SLC25A26: variants seen among roughly 807,000 people sequenced by gnomAD.
SLC25A26 encodes mitochondrial S-adenosylmethionine carrier protein.
In SLC25A26, 36 loss-of-function variants were observed where a neutral mutation model predicts 37.8. The ratio of observed to expected loss-of-function variants is 0.95; its 90% CI spans 0.73 to 1.26. SLC25A26 has a LOEUF of 1.26. SLC25A26 is among the 50% of genes most tolerant of loss of function. The pLI, the probability that SLC25A26 is intolerant of heterozygous loss-of-function variation, is 0.00. For synonymous variants in SLC25A26, 129 were observed against 122.5 expected (o/e 1.05, Z -0.35); for missense variants, 390 against 331.1 (o/e 1.18, Z -1.38).
At chr3:66,281,177 G>T (rs1003497988) in intron 5 of SLC25A26, among the ~76,000 whole-genome samples, 7 of 152,082 alleles carry the variant, frequency 4.6e-5, no homozygotes, top group East Asian at 1.9e-4. Context: ...AGGTTAATTG[G>T]TTTTTTTATA....
intron 5 of SLC25A26, among the ~76,000 whole-genome samples, chr3:66,313,811 A>G (rs1272802092): frequency 2.6e-5 from 4 of 152,084 alleles, no homozygotes; most frequent in African/African-American, 9.7e-5. Context: ...AGTGGTTTGT[A>G]GTTCATCTTG....
At chr3:66,371,107 T>C (rs1174402482) in intron 9 of SLC25A26, 8 of 1,405,954 alleles carry the variant, frequency 5.7e-6, no homozygotes, top group Non-Finnish European at 7.4e-6. Context: ...AAGCTCTCTC[T>C]GCAAGATTAA....
intron 5 of SLC25A26, among the ~76,000 whole-genome samples, chr3:66,334,380 T>C (rs1354727780): frequency 3.3e-5 from 5 of 152,178 alleles, no homozygotes; most frequent in African/African-American, 7.2e-5. Flanking sequence ...AGTGGCATGA[T>C]CTCGGCTCAG....
intron 6 of SLC25A26, among the ~76,000 whole-genome samples, chr3:66,353,103 T>G (rs1240479606): frequency 6.6e-6 from 1 of 152,176 alleles, no homozygotes. Flanking sequence ...AGGTGGGCCT[T>G]GTTGTTATCC....
intron 5 of SLC25A26, among the ~76,000 whole-genome samples, chr3:66,328,538 G>C (rs2075894102): frequency 6.6e-6 from 1 of 152,100 alleles, no homozygotes; most frequent in East Asian, 1.9e-4. Flanking sequence ...AGGTCTGTCA[G>C]GTGATCCACT....
chr3:66,195,580 T>TC (rs1444895329), intron 1 of SLC25A26, among the ~76,000 whole-genome samples: 1 of 152,218 alleles, frequency 6.6e-6, no homozygotes, highest in Non-Finnish European at 1.5e-5. Flanking sequence ...GGGCAGGCCC[T>TC]CGGGCTAGCG....
intron 3 of SLC25A26, among the ~76,000 whole-genome samples, chr3:66,252,243 A>C (rs1170810517): frequency 6.6e-6 from 1 of 152,208 alleles, no homozygotes; most frequent in Non-Finnish European, 1.5e-5. Context: ...TGCAACTGTC[A>C]CTTATTTGCT....
At chr3:66,219,366 C>T (rs1025594017), upstream of SLC25A26, among the ~76,000 whole-genome samples, 1 of 152,120 alleles carries the variant, frequency 6.6e-6, no homozygotes, top group African/African-American at 2.4e-5. Flanking sequence ...TATGTTGTCA[C>T]GTATGGCAAA....
chr3:66,208,675 T>C (rs1330627764), intron 1 of SLC25A26, among the ~76,000 whole-genome samples: 64 of 145,530 alleles, frequency 4.4e-4, no homozygotes, highest in African/African-American at 1.5e-3. Flanking sequence ...TATATATATA[T>C]ATACACATTT....
intron 1 of SLC25A26, among the ~76,000 whole-genome samples, chr3:66,193,443 A>C (rs1023040089): frequency 1.3e-5 from 2 of 152,188 alleles, no homozygotes; most frequent in African/African-American, 2.4e-5. Context: ...TTATTTGATC[A>C]AAGTTAAAAT....
intron 6 of SLC25A26, among the ~76,000 whole-genome samples, chr3:66,349,656 TA>T (rs2076405186): frequency 6.6e-6 from 1 of 152,130 alleles, no homozygotes. Context: ...AAAGCTGTCG[TA>T]AGTATTTGCA....
chr3:66,316,350 AT>A (rs143845749), intron 5 of SLC25A26, among the ~76,000 whole-genome samples: 8,001 of 152,200 alleles, frequency 0.053, 599 homozygotes, highest in African/African-American at 0.17. Context: ...TCTGAAAAAG[AT>A]TTTATTTCTC....
At chr3:66,210,086 A>G in intron 1 of SLC25A26, among the ~76,000 whole-genome samples, 1 of 150,202 alleles carries the variant, frequency 6.7e-6, no homozygotes, top group Middle Eastern at 3.4e-3. Flanking sequence ...TAAAGATGCA[A>G]CTATGTATGG....
In SLC25A26 at chr3:66,295,643, C is replaced by T. The variant is rs183150501; in HGVS notation, c.453+32264C>T. 5.9e-5 allele frequency among the ~76,000 whole-genome samples: 9 copies of T among 151,746 alleles called. No individual in the cohort carries two copies. The East Asian group carries it at 1.4e-3, about 23-fold the overall frequency. On this transcript the variant is annotated intron_variant, in intron 5 of 9. Coordinates refer to ENST00000354883, the MANE Select transcript of SLC25A26 (RefSeq NM_001379210.1). ...CTCTTGATCTCCTGACTTCGTGATC[C>T]GCCCACCTCGGCCTCCCGAAGATTT... is the stretch of plus-strand genomic sequence containing the variant.
chr3:66,253,256 A>G (rs2073163813), intron 3 of SLC25A26, among the ~76,000 whole-genome samples: 1 of 150,978 alleles, frequency 6.6e-6, no homozygotes, highest in African/African-American at 2.5e-5. Context: ...AAAAAGCAAA[A>G]AAAAGTTAGT....
In SLC25A26 at chr3:66,204,198, G is replaced by T. The variant is rs893312870; in HGVS notation, c.-353-16544G>T. 3.4e-4 allele frequency among the ~76,000 whole-genome samples: 51 copies of T among 152,200 alleles called. No homozygotes were observed. In the East Asian group the frequency reaches 8.5e-3, roughly 25 times the overall value. ...CCCAGCACTTTGGGAGGCCGAGATG[G>T]GCGGATCACGAGGTCAGGAGATCGA... On this transcript the variant is annotated intron_variant, in intron 1 of 10. Transcript: ENST00000676754.
intron 5 of SLC25A26, among the ~76,000 whole-genome samples, chr3:66,315,083 T>A (rs769614576): frequency 4.8e-5 from 4 of 83,962 alleles, no homozygotes; most frequent in African/African-American, 2.4e-4. Flanking sequence ...TTCTTTGATT[T>A]TTTTTTTTTT....
chr3:66,186,006 C>T (rs1448489640), intron 1 of SLC25A26, among the ~76,000 whole-genome samples: 1 of 150,960 alleles, frequency 6.6e-6, no homozygotes, highest in Non-Finnish European at 1.5e-5. Context: ...CTGACCCTCA[C>T]CATGACCCTG....
At chr3:66,258,077 C>A (rs1380316703) in intron 3 of SLC25A26, among the ~76,000 whole-genome samples, 2 of 152,200 alleles carry the variant, frequency 1.3e-5, no homozygotes, top group African/African-American at 4.8e-5. Context: ...TTCCACTTCT[C>A]CTTTGCCCAC....
Sources: allele counts gnomAD v4.1 joint callset (sites outside exome capture counted in the v4.1 genomes callset), GRCh38; gene constraint gnomAD v4.1.1; transcripts MANE v1.5; gene names NCBI Gene and HGNC (gene_info 2026-07-23, HGNC 2026-07-21).